The following COL6A3 variants were observed in gnomAD, a reference collection of about 807,000 sequenced individuals.
COL6A3 encodes collagen alpha-3(VI) chain.
COL6A3 carries 137 observed loss-of-function variants against 274.1 expected under a neutral mutation model. That is an observed-to-expected ratio of 0.50 (90% CI 0.44 to 0.58). The LOEUF (loss-of-function observed/expected upper bound fraction) is 0.58. COL6A3 is among the 20% of genes least tolerant of loss of function. The pLI, the probability that COL6A3 is intolerant of heterozygous loss-of-function variation, is 0.00. For missense variants in COL6A3, 3,950 were observed against 4,124.9 expected, an observed-to-expected ratio of 0.96 and a Z score of 1.16; for synonymous variants, 1,650 against 1,650.6, an observed-to-expected ratio of 1.00 and a Z score of 0.01.
chr2:237,365,824 G>C lies in COL6A3; in HGVS notation c.5712C>G (p.Asp1904Glu). ...TCTCGAGCATCTCTGGCTGGTACTC[G>C]TCAAAGTCAAAGGCCTCCACCGGGC... ...PSGPVEAFDF[D>E]EYQPEMLEKF... Residue 1904 changes from aspartate (D) to glutamate (E), a missense_variant, in exon 12 of 44, where the codon GAC becomes GAG. Physicochemically the swap from Asp to Glu is conservative, Grantham distance 45 (BLOSUM62 2). Coordinates refer to ENST00000295550, the MANE Select transcript of COL6A3 (RefSeq NM_004369.4). 1 of 1,614,156 alleles carries C rather than the reference G, an allele frequency of 6.2e-7. No individual in the cohort carries two copies. The highest frequency in any genetic ancestry group is 8.5e-7 in the Non-Finnish European group (1 of 1,180,038).
rs1259596923 is a variant in COL6A3 at position 237,344,834 on chromosome 2, T to G, written c.7184A>C (p.Glu2395Ala). 6.2e-7 allele frequency: 1 copy of G among 1,613,058 alleles called. No homozygotes were observed. The highest frequency in any genetic ancestry group is 8.5e-7 in the Non-Finnish European group (1 of 1,179,994). ...DKCPCCYGPL[E>A]CPVFPTELAF... ...TAGTTCTGTTGGGAAGACGGGGCAC[T>G]CCAGGGGCCCTGTGGAAAGTAGAGG... The change falls in exon 36 of 44, where the codon GAG (glutamate) becomes GCG (alanine). Residue 2395 changes from glutamate (E) to alanine (A), a missense_variant. Glu to Ala is a moderately radical substitution (Grantham distance 107). This residue lies in a region of COL6A3 where 1,284 missense variants were observed against 1,349.7 expected (regional missense o/e 0.95). Transcript: ENST00000295550. The surrounding 1 kb of genome is among the most constrained non-coding windows in gnomAD (Gnocchi z 4.8).
At chr2:237,360,947 C>A (rs763804600) in intron 16 of COL6A3, among the ~76,000 whole-genome samples, 174 bp downstream of exon 16, 1 of 152,152 alleles carries the variant, frequency 6.6e-6, no homozygotes, top group Non-Finnish European at 1.5e-5. Flanking sequence ...TGTCATACTT[C>A]AATTATCGTA....
At chr2:237,409,900 A>G (rs1338333553) in intron 1 of COL6A3, among the ~76,000 whole-genome samples, 1 of 152,170 alleles carries the variant, frequency 6.6e-6, no homozygotes, top group Non-Finnish European at 1.5e-5. Context: ...AATGCTTCCT[A>G]TAAAATGTCT....
At chr2:237,335,986 C>A (rs1700521632) in intron 40 of COL6A3, 149 bp downstream of exon 40, 2 of 1,017,488 alleles carry the variant, frequency 2.0e-6, no homozygotes, top group Admixed American at 2.2e-5. Context: ...GAATCCCTAA[C>A]CAACACCTCT....
chr2:237,350,381 G>T (rs1262591928), intron 27 of COL6A3, among the ~76,000 whole-genome samples, 172 bp from the exon 28 acceptor site: 1 of 152,228 alleles, frequency 6.6e-6, no homozygotes, highest in Non-Finnish European at 1.5e-5. Context: ...TCCTGGAAAA[G>T]AATCCAGGAG....
intron 4 of COL6A3, among the ~76,000 whole-genome samples, chr2:237,384,963 C>T (rs961000706): frequency 1.3e-5 from 2 of 152,108 alleles, no homozygotes; most frequent in Non-Finnish European, 2.9e-5. Context: ...GGACTAAGTG[C>T]CTTCTTGTTG....
At chr2:237,325,443 C>G (rs1302112145) in intron 43 of COL6A3, 117 bp downstream of exon 43, 3 of 1,174,696 alleles carry the variant, frequency 2.6e-6, no homozygotes, top group Non-Finnish European at 3.8e-6. Context: ...TGAGGATACA[C>G]TTTATCTTCT....
At position 237,348,405 on chromosome 2, in the gene COL6A3, A is replaced by G. The variant is rs772985505; in HGVS notation, c.6931-21T>C. The G allele has an allele frequency of 4.5e-6, 7 of 1,571,270 alleles. 1 individual carries two copies. In the South Asian group the frequency reaches 7.8e-5, roughly 17 times the overall value. Reference sequence around the variant, plus strand: ...TCTCCCTATAAAGGAAAAATAGATTATTTAATACTTGGTTCTAATTTAAAT... The same window carrying G: ...TCTCCCTATAAAGGAAAAATAGATTGTTTAATACTTGGTTCTAATTTAAAT... On this transcript the variant is annotated intron_variant, in intron 29 of 43. Coordinates refer to ENST00000295550, the MANE Select transcript of COL6A3 (RefSeq NM_004369.4).
chr2:237,388,218 C>A (rs369602617), intron 3 of COL6A3, 34 bp from the exon 4 acceptor site: 1 of 1,613,078 alleles, frequency 6.2e-7, no homozygotes, highest in Non-Finnish European at 8.5e-7. Context: ...AATGTGAAAG[C>A]ATTAGAACAA....
chr2:237,361,932 C>T lies in COL6A3; in HGVS notation c.6064-101G>A. On this transcript the variant is annotated intron_variant, in intron 14 of 43. Coordinates refer to ENST00000295550, the MANE Select transcript of COL6A3 (RefSeq NM_004369.4). The surrounding 1 kb of genome is among the most constrained non-coding windows in gnomAD (Gnocchi z 5.1). Reference sequence around the variant, plus strand: ...GTCAAAATCGGATGTGTGGGGGTTTCACGGTGTGAGATGAAGTCCCTCCAG... The same window carrying T: ...GTCAAAATCGGATGTGTGGGGGTTTTACGGTGTGAGATGAAGTCCCTCCAG... The T allele has an allele frequency of 9.7e-7, 1 of 1,031,496 alleles. No individual in the cohort carries two copies. Among genetic ancestry groups the T allele is most frequent in the Non-Finnish European group, 1.5e-6 (1 of 659,516 alleles). 63.9% of individuals were successfully genotyped at this position (1,031,496 alleles called of 1,614,324 possible).
At chr2:237,341,233 C>A (rs1316401907) in intron 37 of COL6A3, 83 bp from the exon 38 acceptor site, 2 of 1,347,864 alleles carry the variant, frequency 1.5e-6, no homozygotes. Flanking sequence ...GAGACTTGGG[C>A]GATTAAAATG....
intron 29 of COL6A3, 109 bp from the exon 30 acceptor site, chr2:237,348,493 T>G (rs2077141554): frequency 2.3e-6 from 3 of 1,330,926 alleles, no homozygotes; most frequent in Non-Finnish European, 3.2e-6. Flanking sequence ...ACGAAAACAC[T>G]CACTCAAATA....
At position 237,366,896 on chromosome 2, in the gene COL6A3, A is replaced by G. The variant is rs1195174177; in HGVS notation, c.5291T>C (p.Leu1764Pro). ...KSVEDAQDVSLALTQRGVKVF... is the reference protein window; with the variant it reads ...KSVEDAQDVSPALTQRGVKVF... ...TTTGACCCCCCTCTGGGTGAGGGCC[A>G]GGCTCACATCCTGTGCATCTTCCAC... The change falls in exon 11 of 44, where the codon CTG becomes CCG. Residue 1764 changes from leucine (L) to proline (P), a missense_variant. Leu to Pro is a moderately conservative substitution (Grantham distance 98). Transcript: ENST00000295550. 1 of 1,614,236 alleles carries G rather than the reference A, an allele frequency of 6.2e-7. No homozygotes were observed. The highest frequency in any genetic ancestry group is 1.3e-5 in the African/African-American group (1 of 75,050).
intron 1 of COL6A3, among the ~76,000 whole-genome samples, chr2:237,409,888 A>T (rs185358821): frequency 6.6e-6 from 1 of 152,320 alleles, no homozygotes; most frequent in African/African-American, 2.4e-5. Flanking sequence ...AGATATGGGT[A>T]AAATGCTTCC....
At chr2:237,385,219 G>A (rs1235243722) in intron 4 of COL6A3, among the ~76,000 whole-genome samples, 3 of 152,074 alleles carry the variant, frequency 2.0e-5, no homozygotes, top group Non-Finnish European at 4.4e-5. Flanking sequence ...TGTAACAGAC[G>A]AGCAGCCACA....
Position 237,368,744 on chromosome 2 carries a change from T to A in COL6A3, c.4719A>T (p.Val1573=). The part of the protein sequence containing the change: ...IRSSGIVSLG[V]GDRNIDRTEL... ...CTGTTCTGTCGATGTTCCGGTCTCC[T>A]ACCCCTAAACTCACAATGCCCGAGG... The change falls in exon 10 of 44, where the codon GTA becomes GTT. Residue 1573 remains valine (V), a synonymous_variant. Coordinates refer to ENST00000295550, the MANE Select transcript of COL6A3 (RefSeq NM_004369.4). The surrounding 1 kb of genome is among the most constrained non-coding windows in gnomAD (Gnocchi z 4.4). The A allele has an allele frequency of 6.2e-7, 1 of 1,614,186 alleles. No individual in the cohort carries two copies. The highest frequency in any genetic ancestry group is 8.5e-7 in the Non-Finnish European group (1 of 1,180,024).
rs1334186946 is a variant in COL6A3 at position 237,365,730 on chromosome 2, T to C, written c.5806A>G (p.Lys1936Glu). Residue 1936 changes from lysine (K) to glutamate (E), a missense_variant, in exon 12 of 44, where the codon AAG (lysine) becomes GAG (glutamate). Lys to Glu is a moderately conservative substitution (Grantham distance 56). Transcript: ENST00000295550. Reference sequence around the variant, plus strand: ...CTGTCCGGCGAGGACTGTCTGAACTTGTTCAGGTAGACCTTCAGGGTGTCC... The same window carrying C: ...CTGTCCGGCGAGGACTGTCTGAACTCGTTCAGGTAGACCTTCAGGGTGTCC... ...TEDTLKVYLNKFRQSSPDSVK... is the reference protein window; with the variant it reads ...TEDTLKVYLNEFRQSSPDSVK... 1 of 1,614,150 alleles carries C rather than the reference T, an allele frequency of 6.2e-7. No homozygotes were observed. Among genetic ancestry groups the C allele is most frequent in the Admixed American group, 1.7e-5 (1 of 60,032 alleles).
Position 237,381,467 on chromosome 2 carries a change from G to A in COL6A3, c.1345C>T (p.Leu449=). The part of the protein sequence containing the change: ...IEVNKRDIVF[L]VDGSSALGLA... The stretch of plus-strand genomic sequence containing the variant: ...CCCAGTGCAGATGAGCCATCCACCA[G>A]GAAGACTATGTCTCTCTTGTTGACT... The change falls in exon 5 of 44, where the codon CTG becomes TTG. Residue 449 remains leucine (L), a synonymous_variant. Transcript: ENST00000295550. 1 of 1,606,176 alleles carries A rather than the reference G, an allele frequency of 6.2e-7. No individual in the cohort carries two copies. Among genetic ancestry groups the A allele is most frequent in the Non-Finnish European group, 8.5e-7 (1 of 1,179,988 alleles).
Position 237,336,254 on chromosome 2 carries a change from G to C in COL6A3, c.8846C>G (p.Pro2949Arg). 6.2e-7 allele frequency: 1 copy of C among 1,614,056 alleles called. No individual in the cohort carries two copies. The highest frequency in any genetic ancestry group is 8.5e-7 in the Non-Finnish European group (1 of 1,179,992). ...AGCAGCGGGGGGTCTTACAGCTGCTGGCTTTGCTGCTACAGGCTTCGCTGC... is the reference window on the plus strand; with the variant it reads ...AGCAGCGGGGGGTCTTACAGCTGCTCGCTTTGCTGCTACAGGCTTCGCTGC... ...ATAAKPVAAK[P>R]AAVRPPAAAA... is the part of the protein sequence containing the mutation. The change falls in exon 40 of 44, where the codon CCA becomes CGA. Residue 2949 changes from proline (P) to arginine (R), a missense_variant. Pro to Arg is a moderately radical substitution (Grantham distance 103). Coordinates refer to ENST00000295550, the MANE Select transcript of COL6A3 (RefSeq NM_004369.4).
Sources: allele counts gnomAD v4.1 joint callset (sites outside exome capture counted in the v4.1 genomes callset), GRCh38; gene constraint gnomAD v4.1.1; regional missense constraint gnomAD v4.1.1; non-coding constraint Gnocchi (gnomAD v3.1); transcripts MANE v1.5; gene names NCBI Gene and HGNC (gene_info 2026-07-23, HGNC 2026-07-21).